Variants in HS1BP3 observed in about 807,000 individuals in gnomAD.
HS1BP3 encodes the protein HCLS1 binding protein 3, also known as HCLS1-binding protein 3.
Under a neutral mutation model 33.5 loss-of-function variants are expected in HS1BP3, and 32 were observed. The ratio of observed to expected loss-of-function variants is 0.95; its 90% CI spans 0.72 to 1.28. The LOEUF (loss-of-function observed/expected upper bound fraction) is 1.28, where lower values mean the gene tolerates loss of function less well. Among genes scored for constraint, HS1BP3 ranks in the 50% most tolerant of loss-of-function variants. The probability of loss-of-function intolerance (pLI) is 0.00; values close to 1 mark genes in which losing one functional copy is unlikely to be tolerated. For missense variants in HS1BP3, 486 were observed against 502.3 expected (o/e 0.97, Z 0.31); for synonymous variants, 187 against 209.2 (o/e 0.89, Z 0.92).
chr2:20,622,345 T>C, intron 6 of HS1BP3: 2 of 1,303,146 alleles, frequency 1.5e-6, no homozygotes, highest in African/African-American at 3.0e-5. Context: ...AGAAAAGCAG[T>C]TAATCCTTTC....
intron 2 of HS1BP3, among the ~76,000 whole-genome samples, chr2:20,641,580 T>C (rs1474759557): frequency 6.6e-6 from 1 of 152,166 alleles, no homozygotes. Flanking sequence ...GAATCATCTG[T>C]TCTCAGCACC....
the HS1BP3 span, among the ~76,000 whole-genome samples, chr2:20,555,337 T>C: frequency 1.3e-5 from 2 of 152,226 alleles, no homozygotes; most frequent in Non-Finnish European, 2.9e-5. Context: ...GCCTAGTTTT[T>C]GGGGCCCAGG....
intron 4 of HS1BP3, among the ~76,000 whole-genome samples, chr2:20,629,835 C>T (rs13394013): frequency 1.3e-5 from 2 of 152,204 alleles, no homozygotes; most frequent in African/African-American, 2.4e-5. Context: ...CGGCAGCTGC[C>T]GCGGCTGACA....
chr2:20,584,939 C>G (rs1693644148), intron 5 of HS1BP3, among the ~76,000 whole-genome samples: 1 of 152,170 alleles, frequency 6.6e-6, no homozygotes, highest in Non-Finnish European at 1.5e-5. Flanking sequence ...GAACCAAAGC[C>G]TTTGGCTTGT....
chr2:20,645,917 C>G (rs923333382), intron 1 of HS1BP3, among the ~76,000 whole-genome samples: 1 of 152,222 alleles, frequency 6.6e-6, no homozygotes, highest in Admixed American at 6.5e-5. Context: ...AGGCACCTCT[C>G]TTTGGCTAAT....
At chr2:20,625,655 G>A (rs1572344701) in intron 4 of HS1BP3, among the ~76,000 whole-genome samples, 2 of 152,190 alleles carry the variant, frequency 1.3e-5, no homozygotes, top group Admixed American at 1.3e-4. Context: ...CCCCGGCTCC[G>A]ACTCTGCCAC....
At chr2:20,557,398 G>GGA (rs1692866056), downstream of HS1BP3, among the ~76,000 whole-genome samples, 1 of 152,154 alleles carries the variant, frequency 6.6e-6, no homozygotes, top group Non-Finnish European at 1.5e-5. Context: ...GACCCTCTAT[G>GGA]GAGACTCTGC....
chr2:20,643,446 CA>C (rs1315539769), intron 2 of HS1BP3, among the ~76,000 whole-genome samples: 2 of 152,304 alleles, frequency 1.3e-5, no homozygotes, highest in Non-Finnish European at 2.9e-5. Flanking sequence ...CAACCTGGAT[CA>C]AGTCAAATTA....
At chr2:20,641,929 G>A (rs573113427) in intron 2 of HS1BP3, among the ~76,000 whole-genome samples, 1 of 152,362 alleles carries the variant, frequency 6.6e-6, no homozygotes, top group Non-Finnish European at 1.5e-5. Flanking sequence ...CACCCCAGCA[G>A]GCTCTCAGTC....
chr2:20,629,235 T>C (rs1177676362), intron 4 of HS1BP3, among the ~76,000 whole-genome samples: 1 of 152,156 alleles, frequency 6.6e-6, no homozygotes, highest in Non-Finnish European at 1.5e-5. Context: ...AGGGTTGTCA[T>C]GAACATGGAG....
intron 2 of HS1BP3, chr2:20,606,310 TC>T: frequency 2.2e-6 from 1 of 462,564 alleles, no homozygotes. Context: ...CTGGTGCATC[TC>T]CACCCTTGGT....
At chr2:20,622,366 G>A in intron 6 of HS1BP3, 2 of 1,271,414 alleles carry the variant, frequency 1.6e-6, no homozygotes, top group Non-Finnish European at 2.1e-6. Context: ...ATTAGCAGAT[G>A]TCTGCTAAAG....
At chr2:20,565,999 C>T (rs1166230464) in intron 5 of HS1BP3, among the ~76,000 whole-genome samples, 8 of 152,362 alleles carry the variant, frequency 5.3e-5, no homozygotes, top group Admixed American at 2.0e-4. Context: ...GTTATGACAA[C>T]CCTATTTCAC....
chr2:20,567,078 C>A (rs1693147526), intron 5 of HS1BP3, among the ~76,000 whole-genome samples: 1 of 152,218 alleles, frequency 6.6e-6, no homozygotes, highest in African/African-American at 2.4e-5. Flanking sequence ...CCACCCTGCT[C>A]ACCATCACAC....
At chr2:20,626,642 A>C (rs770245011) in intron 4 of HS1BP3, among the ~76,000 whole-genome samples, 20 of 152,312 alleles carry the variant, frequency 1.3e-4, no homozygotes, top group Non-Finnish European at 1.9e-4. Context: ...ACGCAGTGGC[A>C]GGGACTGCTC....
At chr2:20,593,972 G>A (rs986053224) in intron 3 of HS1BP3, among the ~76,000 whole-genome samples, 1 of 152,232 alleles carries the variant, frequency 6.6e-6, no homozygotes, top group Non-Finnish European at 1.5e-5. Context: ...TTCAGAAGAG[G>A]GACGTGGGCT....
In HS1BP3 at chr2:20,579,190, C is replaced by T. The variant is rs146113615; in HGVS notation, c.303-18675G>A. ...CGTGCTGTGTCCAGAGAGAACAAAG[C>T]GGGGGTTTCCCTGGGTTCCATGAGC... On this transcript the variant is annotated intron_variant, in intron 5 of 5. Transcript: ENST00000446825. Among the ~76,000 whole-genome samples the T allele has an allele frequency of 5.0e-4, 76 of 152,346 alleles. 1 individual carries two copies. In the East Asian group the frequency reaches 0.013, roughly 26 times the overall value.
intron 4 of HS1BP3, among the ~76,000 whole-genome samples, chr2:20,630,688 T>C (rs949015645): frequency 3.4e-4 from 51 of 152,078 alleles, no homozygotes; most frequent in African/African-American, 1.2e-3. Flanking sequence ...ATCACAAGAG[T>C]GAGAATCACC....
intron 2 of HS1BP3, chr2:20,606,559 CT>C: frequency 1.0e-5 from 5 of 487,806 alleles, no homozygotes; most frequent in East Asian, 5.5e-5. Flanking sequence ...AGCACTTCTT[CT>C]TTTTGGCCTT....
Sources: allele counts gnomAD v4.1 joint callset (sites outside exome capture counted in the v4.1 genomes callset), GRCh38; gene constraint gnomAD v4.1.1; transcripts MANE v1.5; gene names NCBI Gene and HGNC (gene_info 2026-07-23, HGNC 2026-07-21).